EPHA7: variants seen among roughly 807,000 people sequenced by gnomAD.
EPHA7 encodes the protein ephrin type-A receptor 7.
In EPHA7, 25 loss-of-function variants were observed where a neutral mutation model predicts 112.6. The ratio of observed to expected loss-of-function variants is 0.22; its 90% confidence interval spans 0.16 to 0.31. The LOEUF is 0.31. Among genes scored for constraint, EPHA7 ranks in the 10% least tolerant of loss-of-function variants. The probability of loss-of-function intolerance (pLI) is 1.00; values close to 1 mark genes in which losing one functional copy is unlikely to be tolerated. For missense variants in EPHA7, 962 were observed against 1,212.6 expected (o/e 0.79, Z 3.07); for synonymous variants, 437 against 406.5 (o/e 1.07, Z -0.90).
intron 3 of EPHA7, among the ~76,000 whole-genome samples, chr6:93,389,564 C>T (rs58921076): frequency 0.035 from 5,251 of 151,954 alleles, 286 homozygotes; most frequent in African/African-American, 0.12. Flanking sequence ...TACTTATTTA[C>T]GCATTACAAA....
intron 3 of EPHA7, among the ~76,000 whole-genome samples, chr6:93,393,793 G>C (rs1778024149): frequency 6.6e-6 from 1 of 151,710 alleles, no homozygotes; most frequent in South Asian, 2.1e-4. Context: ...GTGATTCCAT[G>C]AAGCCAAATC....
chr6:93,263,825 G>A (rs1770801938), intron 9 of EPHA7, 35 bp downstream of exon 9: 14 of 1,568,426 alleles, frequency 8.9e-6, no homozygotes, highest in Non-Finnish European at 1.2e-5. Context: ...CTGTTAATAG[G>A]GGTACATCAT....
chr6:93,369,929 T>G (rs1329352543), intron 3 of EPHA7, among the ~76,000 whole-genome samples: 1 of 152,142 alleles, frequency 6.6e-6, no homozygotes, highest in Middle Eastern at 3.2e-3. Context: ...TGTGGCACAT[T>G]CTTAGTAGAG....
intron 5 of EPHA7, among the ~76,000 whole-genome samples, chr6:93,282,703 T>C (rs1367115644): frequency 6.6e-6 from 1 of 152,068 alleles, no homozygotes; most frequent in East Asian, 1.9e-4. Context: ...CCAGCGCGAG[T>C]TCCCGGTGGG....
intron 3 of EPHA7, among the ~76,000 whole-genome samples, chr6:93,408,501 CT>C (rs1311659589): frequency 6.6e-6 from 1 of 152,000 alleles, no homozygotes; most frequent in East Asian, 1.9e-4. Context: ...GGATTTTCTA[CT>C]CAATTAGAAA....
Position 93,389,592 on chromosome 6 carries a change from G to C in EPHA7, c.832+20909C>G, listed in dbSNP as rs529291854. 1.7e-3 allele frequency among the ~76,000 whole-genome samples: 254 copies of C among 152,082 alleles called. 1 individual carries two copies. Among genetic ancestry groups the C allele is most frequent in the African/African-American group, 5.9e-3 (244 of 41,534 alleles). ...ATTACAAAAGATGCATAAAAGTAAAGTATCATTAAATTCTTGTCAGAGGAA... is the reference window on the plus strand; with the variant it reads ...ATTACAAAAGATGCATAAAAGTAAACTATCATTAAATTCTTGTCAGAGGAA... On this transcript the variant is annotated intron_variant, in intron 3 of 16. Coordinates refer to ENST00000369303, the MANE Select transcript of EPHA7 (RefSeq NM_004440.4).
intron 1 of EPHA7, among the ~76,000 whole-genome samples, chr6:93,418,059 C>T (rs997161106): frequency 6.6e-6 from 1 of 151,724 alleles, no homozygotes; most frequent in African/African-American, 2.4e-5. Context: ...AATTTCATAA[C>T]AGATTCCTCT....
At position 93,298,490 on chromosome 6, in the gene EPHA7, T is replaced by C. The variant is rs186999911; in HGVS notation, c.1325-26068A>G. Among the ~76,000 whole-genome samples, 151 of 152,224 alleles carry C rather than the reference T, an allele frequency of 9.9e-4. 2 individuals carry two copies. The highest frequency in any genetic ancestry group is 6.8e-3 in the Middle Eastern group (2 of 292). On this transcript the variant is annotated intron_variant, in intron 5 of 16. Coordinates refer to ENST00000369303, the MANE Select transcript of EPHA7 (RefSeq NM_004440.4). ...GGCAACAAATCATGTTTATATTATA[T>C]ATACATATATGAACTGATATATGCA...
intron 5 of EPHA7, among the ~76,000 whole-genome samples, chr6:93,352,763 G>A (rs922280110): frequency 6.6e-6 from 1 of 152,086 alleles, no homozygotes; most frequent in Non-Finnish European, 1.5e-5. Flanking sequence ...CCACAAAAAA[G>A]AACAAGATCG....
chr6:93,269,783 G>T, intron 6 of EPHA7, 123 bp from the exon 7 acceptor site: 2 of 716,956 alleles, frequency 2.8e-6, no homozygotes, highest in Non-Finnish European at 4.3e-6. Context: ...GTACTTTGTG[G>T]AATATTATAA....
intron 16 of EPHA7, 94 bp from the exon 17 acceptor site, chr6:93,243,634 T>A (rs542602709): frequency 1.2e-6 from 1 of 808,296 alleles, no homozygotes. Flanking sequence ...TACGTTATCT[T>A]AGCCAAATAG....
At chr6:93,359,108 T>G (rs1025889298) in intron 3 of EPHA7, among the ~76,000 whole-genome samples, 1 of 152,036 alleles carries the variant, frequency 6.6e-6, no homozygotes, top group Non-Finnish European at 1.5e-5. Flanking sequence ...GCAAGTAGAT[T>G]ATGGCCCTGT....
intron 7 of EPHA7, 149 bp from the exon 8 acceptor site, chr6:93,264,851 T>A (rs1770855817): frequency 2.3e-6 from 1 of 434,344 alleles, no homozygotes; most frequent in Admixed American, 4.3e-5. Flanking sequence ...AAATAAATGT[T>A]TATTTCTGCC....
chr6:93,277,128 G>A (rs1466845376), intron 5 of EPHA7, among the ~76,000 whole-genome samples: 1 of 151,994 alleles, frequency 6.6e-6, no homozygotes, highest in Non-Finnish European at 1.5e-5. Flanking sequence ...TTTTCCTATT[G>A]TACGTTATCA....
chr6:93,270,831 C>T (rs552949502), intron 6 of EPHA7, among the ~76,000 whole-genome samples: 1 of 151,890 alleles, frequency 6.6e-6, no homozygotes, highest in South Asian at 2.1e-4. Flanking sequence ...ACACAAACAT[C>T]ACGCATGCGT....
At chr6:93,251,656 A>G (rs1190259867) in intron 14 of EPHA7, among the ~76,000 whole-genome samples, 5 of 151,834 alleles carry the variant, frequency 3.3e-5, no homozygotes, top group African/African-American at 1.2e-4. Context: ...TCAAAATTTC[A>G]TAATTTGAGG....
At chr6:93,307,535 C>T (rs1365489934) in intron 5 of EPHA7, among the ~76,000 whole-genome samples, 1 of 151,998 alleles carries the variant, frequency 6.6e-6, no homozygotes, top group East Asian at 1.9e-4. Flanking sequence ...TGAATCTATT[C>T]AATGAAAACT....
At chr6:93,293,499 A>T (rs973967780) in intron 5 of EPHA7, among the ~76,000 whole-genome samples, 1 of 152,166 alleles carries the variant, frequency 6.6e-6, no homozygotes, top group South Asian at 2.1e-4. Context: ...CAAGATCATC[A>T]TTATGGAATC....
Position 93,280,582 on chromosome 6 carries a change from A to G in EPHA7, c.1325-8160T>C, listed in dbSNP as rs1056991933. On this transcript the variant is annotated intron_variant, in intron 5 of 16. Transcript: ENST00000369303. ...TTCTGATGCTCCTTAAAGGTAGAAA[A>G]CTTAGAGAAGCAGTAGAGTATAGGA... Among the ~76,000 whole-genome samples the G allele has an allele frequency of 5.9e-5, 9 of 152,100 alleles. 1 individual carries two copies. The highest frequency in any genetic ancestry group is 5.2e-4 in the Admixed American group (8 of 15,274).
Sources: gnomAD v4.1 joint callset for allele counts (sites outside exome capture counted in the v4.1 genomes callset) on GRCh38, gnomAD v4.1.1 for gene constraint, MANE v1.5 for transcripts, NCBI Gene and HGNC (gene_info 2026-07-23, HGNC 2026-07-21) for gene names.